Variants in TAF4B observed in about 807,000 individuals in gnomAD.
The protein encoded by TAF4B is TATA-box binding protein associated factor 4b, also known as transcription initiation factor TFIID subunit 4B.
A neutral mutation model predicts 86.4 loss-of-function variants in TAF4B; 38 were observed. The observed-to-expected ratio is 0.44, with a 90% CI of 0.34 to 0.58. The LOEUF is 0.58. TAF4B is among the 20% of genes least tolerant of loss of function. The pLI is 0.02. For synonymous variants in TAF4B, 388 were observed against 391.2 expected, an observed-to-expected ratio of 0.99 and a Z score of 0.10; for missense variants, 988 against 1,027.6, an observed-to-expected ratio of 0.96 and a Z score of 0.53.
At chr18:26,236,524 C>G (rs2055750642) in intron 1 of TAF4B, among the ~76,000 whole-genome samples, 1 of 152,162 alleles carries the variant, frequency 6.6e-6, no homozygotes, top group African/African-American at 2.4e-5. Context: ...CCTTTGTTTT[C>G]TAGGGCAGGG....
At chr18:26,384,603 G>T (rs1374442328) in intron 14 of TAF4B, among the ~76,000 whole-genome samples, 3 of 152,156 alleles carry the variant, frequency 2.0e-5, no homozygotes, top group Admixed American at 2.0e-4. Context: ...GTGAAGACTT[G>T]AGATAATAGG....
chr18:26,244,451 C>T (rs1408938283), intron 1 of TAF4B, among the ~76,000 whole-genome samples: 1 of 152,196 alleles, frequency 6.6e-6, no homozygotes, highest in Non-Finnish European at 1.5e-5. Flanking sequence ...TGGGAGTGTC[C>T]TGATTTTCCA....
intron 9 of TAF4B, among the ~76,000 whole-genome samples, chr18:26,314,126 C>T (rs528466086): frequency 7.6e-4 from 116 of 152,204 alleles, no homozygotes; most frequent in African/African-American, 2.7e-3. Context: ...AGATGCATTA[C>T]CACAGAGAAA....
intron 13 of TAF4B, among the ~76,000 whole-genome samples, chr18:26,351,168 TGGA>T (rs1199531156): frequency 1.3e-5 from 2 of 152,150 alleles, no homozygotes; most frequent in Non-Finnish European, 2.9e-5. Flanking sequence ...ATATACACAG[TGGA>T]ATACTATACA....
chr18:26,346,661 A>G (rs2032308656), intron 13 of TAF4B, among the ~76,000 whole-genome samples: 1 of 148,220 alleles, frequency 6.7e-6, no homozygotes, highest in Non-Finnish European at 1.5e-5. Context: ...CTCAGCAGAA[A>G]CTATACAGGC....
chr18:26,352,106 G>A lies in TAF4B; in HGVS notation c.2317-5584G>A, dbSNP rs118121341. ...TCAAATAATTCCAAGTAGAAAAAGG[G>A]AAACAGAGAAATGAAAAACAGAGGG... On this transcript the variant is annotated intron_variant, in intron 13 of 14. Transcript: ENST00000269142. Among the ~76,000 whole-genome samples, 772 of 151,988 alleles carry A rather than the reference G, an allele frequency of 5.1e-3. 2 individuals carry two copies. Among genetic ancestry groups the A allele is most frequent in the Non-Finnish European group, 7.4e-3 (500 of 67,936 alleles).
intron 5 of TAF4B, among the ~76,000 whole-genome samples, chr18:26,279,286 A>C (rs2056418422): frequency 6.6e-6 from 1 of 152,164 alleles, no homozygotes. Flanking sequence ...CACACACACA[A>C]AAATGAAGTA....
intron 9 of TAF4B, among the ~76,000 whole-genome samples, chr18:26,301,559 G>T (rs776058578): frequency 3.3e-5 from 5 of 152,058 alleles, no homozygotes; most frequent in African/African-American, 7.2e-5. Flanking sequence ...CTTCCAAAGC[G>T]CTGGGATTAT....
At chr18:26,295,630 C>A (rs574035563) in intron 9 of TAF4B, among the ~76,000 whole-genome samples, 1 of 152,328 alleles carries the variant, frequency 6.6e-6, no homozygotes, top group African/African-American at 2.4e-5. Context: ...CGGACTGCTA[C>A]CGGTACATGG....
intron 14 of TAF4B, among the ~76,000 whole-genome samples, chr18:26,374,586 T>C (rs2057430051): frequency 6.6e-6 from 1 of 152,236 alleles, no homozygotes; most frequent in Non-Finnish European, 1.5e-5. Context: ...TGAGTGTTGA[T>C]TAACAACAAA....
chr18:26,283,551 AT>A (rs2056475447), intron 6 of TAF4B, among the ~76,000 whole-genome samples: 1 of 152,080 alleles, frequency 6.6e-6, no homozygotes, highest in African/African-American at 2.4e-5. Flanking sequence ...GGCAGAGTAG[AT>A]TTAGCATAAT....
chr18:26,289,871 G>T (rs937533240), intron 7 of TAF4B, among the ~76,000 whole-genome samples: 5 of 152,132 alleles, frequency 3.3e-5, no homozygotes, highest in Non-Finnish European at 7.4e-5. Context: ...CATATACATT[G>T]TTCCAGGTGT....
intron 14 of TAF4B, among the ~76,000 whole-genome samples, chr18:26,387,770 T>C (rs1978462406): frequency 6.6e-6 from 1 of 152,214 alleles, no homozygotes; most frequent in Non-Finnish European, 1.5e-5. Flanking sequence ...CAAAATTGTT[T>C]CCATGGATAC....
intron 13 of TAF4B, among the ~76,000 whole-genome samples, chr18:26,346,877 G>GTGTGTGTA (rs1391442304): frequency 1.7e-3 from 11 of 6,604 alleles, no homozygotes; most frequent in Non-Finnish European, 4.6e-3. Flanking sequence ...ATATATATGT[G>GTGTGTGTA]TATATATATA....
intron 3 of TAF4B, among the ~76,000 whole-genome samples, chr18:26,269,752 A>G (rs1368676621): frequency 1.3e-5 from 2 of 152,164 alleles, no homozygotes; most frequent in Non-Finnish European, 2.9e-5. Context: ...TACTATAAGG[A>G]AGTGTTATCT....
intron 9 of TAF4B, 93 bp from the exon 10 acceptor site, chr18:26,315,136 C>CTCTCTG (rs2056891866): frequency 9.6e-6 from 3 of 310,974 alleles, no homozygotes; most frequent in African/African-American, 9.7e-5. Context: ...CTCTCTCTCT[C>CTCTCTG]TCTCTCTCTG....
chr18:26,330,368 T>C (rs558360923), intron 12 of TAF4B, among the ~76,000 whole-genome samples: 64 of 152,178 alleles, frequency 4.2e-4, no homozygotes, highest in Non-Finnish European at 7.8e-4. Flanking sequence ...CCCTTAGTCA[T>C]GTGTCCATCC....
At chr18:26,279,168 T>C (rs1046118570) in intron 5 of TAF4B, among the ~76,000 whole-genome samples, 18 of 152,156 alleles carry the variant, frequency 1.2e-4, no homozygotes, top group Non-Finnish European at 1.5e-4. Flanking sequence ...TAAACGACTT[T>C]AGTAAAGTTT....
chr18:26,314,431 A>T (rs1239719449), intron 9 of TAF4B, among the ~76,000 whole-genome samples: 1 of 147,354 alleles, frequency 6.8e-6, no homozygotes, highest in East Asian at 1.9e-4. Flanking sequence ...GCTGATACAA[A>T]GCAAGGAGCC....
Sources: gnomAD v4.1 joint callset for allele counts (sites outside exome capture counted in the v4.1 genomes callset) on GRCh38, gnomAD v4.1.1 for gene constraint, MANE v1.5 for transcripts, NCBI Gene and HGNC (gene_info 2026-07-23, HGNC 2026-07-21) for gene names.